TNFSF8: variants seen among roughly 807,000 people sequenced by gnomAD.
TNFSF8 encodes the protein TNF superfamily member 8, also known as tumor necrosis factor ligand superfamily member 8.
A neutral mutation model predicts 22.0 loss-of-function variants in TNFSF8; 4 were observed. The ratio of observed to expected loss-of-function variants is 0.18; its 90% CI spans 0.09 to 0.42. TNFSF8 has a LOEUF of 0.42. Among genes scored for constraint, TNFSF8 ranks in the 10% least tolerant of loss-of-function variants. The pLI, the probability that TNFSF8 is intolerant of heterozygous loss-of-function variation, is 1.00. For synonymous variants in TNFSF8, 106 were observed against 112.5 expected (o/e 0.94, Z 0.37); for missense variants, 233 against 281.8 (o/e 0.83, Z 1.24).
At position 114,903,836 on chromosome 9, in the gene TNFSF8, C is replaced by T; in HGVS notation, c.*95G>A. The T allele has an allele frequency of 1.3e-6, 2 of 1,513,666 alleles. No homozygotes were observed. Among genetic ancestry groups the T allele is most frequent in the South Asian group, 1.4e-5 (1 of 73,246 alleles). The allele number at this position is 1,513,666 out of a possible 1,614,324, so 93.8% of individuals were successfully genotyped here. A position where few individuals can be genotyped will look rare whatever the true frequency, so the allele number is the denominator to read the frequency against. On this transcript the variant is annotated 3_prime_UTR_variant, in exon 4 of 4. Transcript: ENST00000223795. ...CTATTTAATACCCTGTGTAGTTTGT[C>T]TTGGTCTAAAGTTTTCTTTTTGCCC...
intron 1 of TNFSF8, among the ~76,000 whole-genome samples, chr9:114,918,792 G>T (rs908165166): frequency 2.0e-5 from 3 of 152,066 alleles, no homozygotes; most frequent in Non-Finnish European, 2.9e-5. Context: ...GTAGACACAG[G>T]GTTTCACCAT....
intron 1 of TNFSF8, among the ~76,000 whole-genome samples, chr9:114,926,961 T>G (rs1828068974): frequency 6.9e-6 from 1 of 144,844 alleles, no homozygotes; most frequent in African/African-American, 2.5e-5. Flanking sequence ...TTAAATAACA[T>G]AAAATATTAT....
At chr9:114,911,048 A>G (rs1409708830) in intron 2 of TNFSF8, among the ~76,000 whole-genome samples, 1 of 152,192 alleles carries the variant, frequency 6.6e-6, no homozygotes, top group African/African-American at 2.4e-5. Context: ...GCTAGAGGAG[A>G]CACTCAGTAA....
intron 3 of TNFSF8, among the ~76,000 whole-genome samples, chr9:114,905,553 G>C (rs992041270): frequency 1.3e-5 from 2 of 152,202 alleles, no homozygotes; most frequent in Non-Finnish European, 2.9e-5. Flanking sequence ...TGGCAGTGGT[G>C]GTGGGGACCA....
intron 2 of TNFSF8, among the ~76,000 whole-genome samples, chr9:114,907,633 C>T (rs1239453709): frequency 1.3e-5 from 2 of 152,140 alleles, no homozygotes; most frequent in Non-Finnish European, 2.9e-5. Flanking sequence ...TCTGGTCTCA[C>T]CCCTCACCTT....
chr9:114,929,418 T>G (rs1002189669), intron 1 of TNFSF8, among the ~76,000 whole-genome samples: 3 of 151,932 alleles, frequency 2.0e-5, no homozygotes, highest in Non-Finnish European at 4.4e-5. Context: ...GAGGAAGCTT[T>G]CGATTTGTCT....
intron 1 of TNFSF8, among the ~76,000 whole-genome samples, chr9:114,921,500 C>T (rs1827987098): frequency 6.6e-6 from 1 of 152,228 alleles, no homozygotes; most frequent in African/African-American, 2.4e-5. Flanking sequence ...TTCCTCCCTC[C>T]TCCCCTCTCC....
exon 5 of TNFSF8, chr9:114,893,387 T>C (rs1281809119): frequency 6.6e-6 from 1 of 152,248 alleles, no homozygotes; most frequent in African/African-American, 2.4e-5. Context: ...CAGAGTCGCC[T>C]GAGGTTGTAG....
chr9:114,899,669 C>A (rs184721544), downstream of TNFSF8, among the ~76,000 whole-genome samples: 88 of 152,246 alleles, frequency 5.8e-4, no homozygotes, highest in Admixed American at 5.2e-3. Context: ...TTCGCAGTGG[C>A]TTGGCAGAGC....
At chr9:114,926,416 C>A (rs977724205) in intron 1 of TNFSF8, among the ~76,000 whole-genome samples, 2 of 151,944 alleles carry the variant, frequency 1.3e-5, no homozygotes, top group African/African-American at 4.8e-5. Context: ...GGCGACAGAG[C>A]GAGACTGTCT....
intron 2 of TNFSF8, 75 bp from the exon 3 acceptor site, chr9:114,905,974 A>G (rs751332982): frequency 4.1e-6 from 4 of 977,128 alleles, no homozygotes; most frequent in Non-Finnish European, 6.6e-6. Context: ...CTTTTTCTAC[A>G]ACACTTTGAT....
rs1827725812 is a variant in TNFSF8 at position 114,902,186 on chromosome 9, T to G, written c.*1745A>C. On this transcript the variant is annotated 3_prime_UTR_variant, in exon 4 of 4. Coordinates refer to ENST00000223795, the MANE Select transcript of TNFSF8 (RefSeq NM_001244.4). Reference sequence around the variant, plus strand: ...GTTGGATATAGCTAGAGAAATCTCATGGCTACCCCAATCAGGAGAGAGGTT... The same window carrying G: ...GTTGGATATAGCTAGAGAAATCTCAGGGCTACCCCAATCAGGAGAGAGGTT... The G allele has an allele frequency of 1.0e-6, 1 of 985,414 alleles. No individual in the cohort carries two copies. The highest frequency in any genetic ancestry group is 1.2e-6 in the Non-Finnish European group (1 of 829,928). The allele number at this position is 985,414 out of a possible 1,614,324, so 61.0% of individuals were successfully genotyped here.
At chr9:114,896,747 C>A (rs1368953091), downstream of TNFSF8, among the ~76,000 whole-genome samples, 1 of 152,072 alleles carries the variant, frequency 6.6e-6, no homozygotes, top group Admixed American at 6.5e-5. Context: ...AGCAAATATA[C>A]CACACCTTGC....
chr9:114,900,833 T>C (rs1038608084), downstream of TNFSF8, among the ~76,000 whole-genome samples: 2 of 151,906 alleles, frequency 1.3e-5, no homozygotes, highest in Admixed American at 6.6e-5. Flanking sequence ...AACGCAAAAA[T>C]CAGCTGGGTG....
intron 1 of TNFSF8, among the ~76,000 whole-genome samples, chr9:114,918,728 G>C (rs1302967946): frequency 1.3e-5 from 2 of 152,194 alleles, no homozygotes; most frequent in Non-Finnish European, 2.9e-5. Flanking sequence ...AGTCTCCAGA[G>C]TAGCTGGGAC....
At chr9:114,922,053 C>T (rs989251673) in intron 1 of TNFSF8, among the ~76,000 whole-genome samples, 1 of 149,682 alleles carries the variant, frequency 6.7e-6, no homozygotes, top group Non-Finnish European at 1.5e-5. Context: ...GGTTAGATGG[C>T]TAATCATCCA....
chr9:114,924,403 A>G (rs1220948033), intron 1 of TNFSF8, among the ~76,000 whole-genome samples: 2 of 152,228 alleles, frequency 1.3e-5, no homozygotes, highest in African/African-American at 4.8e-5. Flanking sequence ...AATATGGACC[A>G]TATATTATTA....
exon 5 of TNFSF8, chr9:114,894,115 C>T: frequency 6.5e-7 from 1 of 1,535,288 alleles, no homozygotes; most frequent in Non-Finnish European, 8.7e-7. Context: ...AGTGTCCCTT[C>T]CCAGAGTCCA....
At position 114,901,158 on chromosome 9, in the gene TNFSF8, A is replaced by G. The variant is rs1467947843; in HGVS notation, c.*2773T>C. ...AGGTAGCCTGAGTTCCCAGTTAGAT[A>G]AATTATTTATTTTACTTGCATAGAT... On this transcript the variant is annotated 3_prime_UTR_variant, in exon 4 of 4. Coordinates refer to ENST00000223795, the MANE Select transcript of TNFSF8 (RefSeq NM_001244.4). The G allele has an allele frequency of 1.0e-6, 1 of 985,142 alleles. No individual in the cohort carries two copies. Among genetic ancestry groups the G allele is most frequent in the Non-Finnish European group, 1.2e-6 (1 of 829,854 alleles). 61.0% of individuals were successfully genotyped at this position (985,142 alleles called of 1,614,324 possible).
Sources: gnomAD v4.1 joint callset for allele counts (sites outside exome capture counted in the v4.1 genomes callset) on GRCh38, gnomAD v4.1.1 for gene constraint, MANE v1.5 for transcripts, NCBI Gene and HGNC (gene_info 2026-07-23, HGNC 2026-07-21) for gene names.